ICE2: variants seen among roughly 807,000 people sequenced by gnomAD.
The protein encoded by ICE2 is interactor of little elongation complex ELL subunit 2, also known as little elongation complex subunit 2.
ICE2 carries 87 observed loss-of-function variants against 105.4 expected under a neutral mutation model. The observed-to-expected ratio is 0.83, with a 90% CI of 0.69 to 0.99. ICE2 has a LOEUF of 0.99. ICE2 is among the 50% of genes least tolerant of loss of function. ICE2 has a pLI of 0.00. For synonymous variants in ICE2, 399 were observed against 392.0 expected (o/e 1.02, Z -0.21); for missense variants, 1,323 against 1,146.7 (o/e 1.15, Z -2.22).
At chr15:60,476,239 C>A in intron 2 of ICE2, 72 bp from the exon 3 acceptor site, 1 of 901,438 alleles carries the variant, frequency 1.1e-6, no homozygotes, top group Non-Finnish European at 1.7e-6. Context: ...CATAATGGCA[C>A]AATTGTAACT....
chr15:60,471,829 A>G (rs1356536053), intron 3 of ICE2, among the ~76,000 whole-genome samples: 1 of 151,944 alleles, frequency 6.6e-6, no homozygotes, highest in Non-Finnish European at 1.5e-5. Context: ...CAAAACTTTA[A>G]GTTTCCTATA....
chr15:60,454,856 GC>G (rs11336352), intron 8 of ICE2, 146 bp downstream of exon 8: 18,762 of 613,540 alleles, frequency 0.031, 1,057 homozygotes, highest in Admixed American at 0.18. Context: ...CTCTCACCTT[GC>G]CCCCCACCCC....
chr15:60,446,361 T>G (rs1340290592), intron 11 of ICE2, among the ~76,000 whole-genome samples: 2 of 152,150 alleles, frequency 1.3e-5, no homozygotes, highest in Non-Finnish European at 2.9e-5. Context: ...CAAACCCTCA[T>G]GCCGCTGTTA....
chr15:60,450,783 T>C (rs947292319), intron 9 of ICE2, among the ~76,000 whole-genome samples: 4 of 152,194 alleles, frequency 2.6e-5, no homozygotes, highest in Admixed American at 2.0e-4. Flanking sequence ...TGAGAAATTA[T>C]ATATAGAAAA....
At chr15:60,434,528 C>T (rs952663466) in intron 13 of ICE2, among the ~76,000 whole-genome samples, 50 of 35,650 alleles carry the variant, frequency 1.4e-3, no homozygotes, top group African/African-American at 2.6e-3. Context: ...ATTACACACA[C>T]ACACACACAC....
intron 15 of ICE2, among the ~76,000 whole-genome samples, chr15:60,426,903 A>G (rs939913848): frequency 7.2e-5 from 11 of 152,226 alleles, no homozygotes; most frequent in Admixed American, 4.6e-4. Flanking sequence ...GAGTTACTTA[A>G]GAAAATTTTT....
In ICE2 at chr15:60,448,113, C is replaced by G. The variant is rs748640801; in HGVS notation, c.2152G>C (p.Asp718His). The change falls in exon 11 of 16, where the codon GAT becomes CAT. Residue 718 changes from aspartate to histidine, a missense_variant. Asp to His is a moderately conservative substitution (Grantham distance 81). Coordinates refer to ENST00000261520, the MANE Select transcript of ICE2 (RefSeq NM_024611.6). ...TGAGGAGCTAGGTATTCCGATGTATCTTCAACATAGTCCTGAAGTTCATAT... is the reference window on the plus strand; with the variant it reads ...TGAGGAGCTAGGTATTCCGATGTATGTTCAACATAGTCCTGAAGTTCATAT... ...LPYELQDYVE[D>H]TSEYLAPQEG... The G allele has an allele frequency of 6.2e-7, 1 of 1,612,242 alleles. No homozygotes were observed. Among genetic ancestry groups the G allele is most frequent in the Non-Finnish European group, 8.5e-7 (1 of 1,178,770 alleles).
At chr15:60,476,321 G>A (rs1279914202) in intron 2 of ICE2, among the ~76,000 whole-genome samples, 154 bp from the exon 3 acceptor site, 1 of 152,054 alleles carries the variant, frequency 6.6e-6, no homozygotes, top group African/African-American at 2.4e-5. Context: ...TCATATACCA[G>A]ATCTGTGGGC....
chr15:60,442,488 C>T lies in ICE2; in HGVS notation c.2353G>A (p.Ala785Thr), dbSNP rs770530419. 2.8e-5 allele frequency: 44 copies of T among 1,598,042 alleles called. No individual in the cohort carries two copies. The highest frequency in any genetic ancestry group is 3.5e-5 in the Non-Finnish European group (41 of 1,176,494). Residue 785 changes from alanine (A) to threonine (T), a missense_variant, in exon 12 of 16, where the codon GCT becomes ACT. Coordinates refer to ENST00000261520, the MANE Select transcript of ICE2 (RefSeq NM_024611.6). ...CGACAAAGTTCACTTTCAGTCAGAGCTTCAACTCCATAACAAGCTTGATAC... is the reference window on the plus strand; with the variant it reads ...CGACAAAGTTCACTTTCAGTCAGAGTTTCAACTCCATAACAAGCTTGATAC... ...VEYQACYGVE[A>T]LTESELCRLW...
At chr15:60,457,483 T>C (rs1030638773) in intron 5 of ICE2, among the ~76,000 whole-genome samples, 3 of 152,180 alleles carry the variant, frequency 2.0e-5, no homozygotes, top group African/African-American at 7.2e-5. Flanking sequence ...TTTCTTCTTC[T>C]GTCAACGAAC....
At chr15:60,435,640 T>C (rs374932723) in intron 13 of ICE2, among the ~76,000 whole-genome samples, 2 of 147,156 alleles carry the variant, frequency 1.4e-5, no homozygotes, top group African/African-American at 5.0e-5. Flanking sequence ...AAAATACGTA[T>C]AACCGTCATC....
intron 14 of ICE2, among the ~76,000 whole-genome samples, chr15:60,428,912 TTTC>T (rs2063395177): frequency 6.6e-6 from 1 of 152,244 alleles, no homozygotes; most frequent in Admixed American, 6.5e-5. Context: ...AGTTGATCAT[TTTC>T]TTTTTACTTT....
chr15:60,442,697 T>A (rs2063744439), intron 11 of ICE2, 152 bp from the exon 12 acceptor site: 2 of 583,914 alleles, frequency 3.4e-6, no homozygotes, highest in African/African-American at 1.9e-5. Context: ...GTAAGATGGA[T>A]ACATTCAGGC....
At chr15:60,478,640 G>T (rs2064838628) in intron 1 of ICE2, 2 of 332,324 alleles carry the variant, frequency 6.0e-6, no homozygotes, top group South Asian at 2.2e-5. Context: ...CAGGCAGACT[G>T]ATAAAGTGAC....
chr15:60,475,679 T>TA (rs1423665887), intron 3 of ICE2, among the ~76,000 whole-genome samples: 20 of 152,274 alleles, frequency 1.3e-4, no homozygotes, highest in African/African-American at 4.6e-4. Flanking sequence ...TTGTATTATA[T>TA]ACCTGTATAT....
At chr15:60,432,462 T>A (rs1029296054) in intron 13 of ICE2, among the ~76,000 whole-genome samples, 2 of 151,364 alleles carry the variant, frequency 1.3e-5, no homozygotes, top group African/African-American at 4.9e-5. Flanking sequence ...AGTGCTGGGA[T>A]TACAGGCATG....
intron 12 of ICE2, chr15:60,438,287 A>G (rs1000340326): frequency 1.3e-5 from 2 of 152,224 alleles, no homozygotes; most frequent in African/African-American, 2.4e-5. Flanking sequence ...TTAGGTATCA[A>G]AACAAATTAC....
chr15:60,433,898 A>G (rs2063520380), intron 13 of ICE2, among the ~76,000 whole-genome samples: 1 of 152,156 alleles, frequency 6.6e-6, no homozygotes, highest in South Asian at 2.1e-4. Flanking sequence ...AAAAAAAGTT[A>G]CTGTTCAAGA....
chr15:60,469,363 G>C (rs1408478389), intron 3 of ICE2, among the ~76,000 whole-genome samples: 1 of 152,004 alleles, frequency 6.6e-6, no homozygotes, highest in Non-Finnish European at 1.5e-5. Context: ...CCTAGGTGAT[G>C]GGTTGGTAAG....
Sources: allele counts gnomAD v4.1 joint callset (sites outside exome capture counted in the v4.1 genomes callset), GRCh38; gene constraint gnomAD v4.1.1; transcripts MANE v1.5; gene names NCBI Gene and HGNC (gene_info 2026-07-23, HGNC 2026-07-21).